Variants in PTPRD observed in about 807,000 individuals in gnomAD.
PTPRD encodes receptor-type tyrosine-protein phosphatase delta.
A neutral mutation model predicts 214.5 loss-of-function variants in PTPRD; 34 were observed. The ratio of observed to expected loss-of-function variants is 0.16; its 90% confidence interval spans 0.12 to 0.21. The LOEUF (loss-of-function observed/expected upper bound fraction) is 0.21. PTPRD is among the 10% of genes least tolerant of loss of function. The probability of loss-of-function intolerance (pLI) is 1.00; values close to 1 mark genes in which losing one functional copy is unlikely to be tolerated. For synonymous variants in PTPRD, 1,128 were observed against 845.7 expected, an observed-to-expected ratio of 1.33 and a Z score of -5.79; for missense variants, 2,545 against 2,398.7, an observed-to-expected ratio of 1.06 and a Z score of -1.27.
At chr9:8,874,105 T>A (rs2098348968) in intron 11 of PTPRD, among the ~76,000 whole-genome samples, 1 of 152,206 alleles carries the variant, frequency 6.6e-6, no homozygotes, top group African/African-American at 2.4e-5. Flanking sequence ...TGGGCATTTC[T>A]ACATTGTCCC....
At chr9:10,492,076 G>C (rs62537981) in intron 2 of PTPRD, among the ~76,000 whole-genome samples, 1 of 152,060 alleles carries the variant, frequency 6.6e-6, no homozygotes, top group African/African-American at 2.4e-5. Flanking sequence ...GTATTCCATC[G>C]TGTACATGTG....
intron 36 of PTPRD, among the ~76,000 whole-genome samples, chr9:8,401,093 G>C (rs898394366): frequency 6.6e-6 from 1 of 151,934 alleles, no homozygotes; most frequent in Non-Finnish European, 1.5e-5. Context: ...TTCTGTTTAT[G>C]CACATCCAAG....
At chr9:8,828,751 G>A (rs2097222652) in intron 11 of PTPRD, among the ~76,000 whole-genome samples, 1 of 152,090 alleles carries the variant, frequency 6.6e-6, no homozygotes, top group Admixed American at 6.6e-5. Context: ...TTAAGTCCAT[G>A]TTTTTTCTGG....
chr9:8,809,764 T>G (rs892972448), intron 11 of PTPRD, among the ~76,000 whole-genome samples: 2 of 152,186 alleles, frequency 1.3e-5, no homozygotes, highest in African/African-American at 4.8e-5. Flanking sequence ...CATTGTATTA[T>G]CAGTTTCAGC....
At chr9:8,937,702 C>G (rs770968972) in intron 11 of PTPRD, among the ~76,000 whole-genome samples, 3 of 152,144 alleles carry the variant, frequency 2.0e-5, no homozygotes, top group African/African-American at 4.8e-5. Context: ...AACTTTGGAG[C>G]CTTCCTCCTC....
At chr9:8,702,438 C>T (rs770524874) in intron 12 of PTPRD, among the ~76,000 whole-genome samples, 13 of 152,008 alleles carry the variant, frequency 8.6e-5, no homozygotes, top group South Asian at 2.1e-4. Flanking sequence ...TTACCTACTA[C>T]GTGAGTTCAT....
intron 11 of PTPRD, among the ~76,000 whole-genome samples, chr9:8,849,031 T>G (rs1381953446): frequency 6.6e-6 from 1 of 152,294 alleles, no homozygotes; most frequent in Admixed American, 6.5e-5. Flanking sequence ...AGCTGTAAAT[T>G]TGAGAAAATT....
intron 31 of PTPRD, among the ~76,000 whole-genome samples, chr9:8,467,485 T>C (rs1288802557): frequency 6.6e-6 from 1 of 151,904 alleles, no homozygotes; most frequent in African/African-American, 2.4e-5. Flanking sequence ...CCTATAAGGA[T>C]GGCTAATATT....
At chr9:9,624,027 A>C (rs2095335518) in intron 7 of PTPRD, among the ~76,000 whole-genome samples, 1 of 152,156 alleles carries the variant, frequency 6.6e-6, no homozygotes, top group Non-Finnish European at 1.5e-5. Flanking sequence ...AGCTCATAAA[A>C]AGCACTAATG....
chr9:8,431,518 A>T (rs1260531791), intron 35 of PTPRD, among the ~76,000 whole-genome samples: 1 of 152,194 alleles, frequency 6.6e-6, no homozygotes, highest in African/African-American at 2.4e-5. Context: ...CGATCTATCT[A>T]GTCTAAATAA....
intron 9 of PTPRD, among the ~76,000 whole-genome samples, chr9:9,266,332 G>A (rs1286897566): frequency 6.6e-6 from 1 of 151,136 alleles, no homozygotes; most frequent in Non-Finnish European, 1.5e-5. Flanking sequence ...ACCCCATTTT[G>A]AGCAATAAAT....
At chr9:10,302,062 CA>C (rs1374677394) in intron 3 of PTPRD, among the ~76,000 whole-genome samples, 1 of 152,190 alleles carries the variant, frequency 6.6e-6, no homozygotes, top group Non-Finnish European at 1.5e-5. Flanking sequence ...ATCAAACTAA[CA>C]GCGGATCTCT....
intron 8 of PTPRD, among the ~76,000 whole-genome samples, chr9:9,401,635 T>A (rs2070558556): frequency 6.6e-6 from 1 of 151,718 alleles, no homozygotes; most frequent in African/African-American, 2.4e-5. Flanking sequence ...TACAAATAAC[T>A]CTTCCTCCAG....
intron 10 of PTPRD, among the ~76,000 whole-genome samples, chr9:9,169,954 A>G (rs2099911367): frequency 6.6e-6 from 1 of 152,218 alleles, no homozygotes; most frequent in African/African-American, 2.4e-5. Context: ...TGGCTCTGCC[A>G]TAAGGGATTA....
rs918371234 is a variant in PTPRD, at chr9:9,417,903, T to C, written c.-236-20421A>G. Among the ~76,000 whole-genome samples the C allele has an allele frequency of 2.8e-4, 42 of 152,046 alleles. 1 individual carries two copies. Among genetic ancestry groups the C allele is most frequent in the Admixed American group, 2.8e-3 (42 of 15,256 alleles). ...TTCATTTCATACTGGAAAAGGCAAATAAATCCTTCATTTCTCTTTTCTGTT... is the reference window on the plus strand; with the variant it reads ...TTCATTTCATACTGGAAAAGGCAAACAAATCCTTCATTTCTCTTTTCTGTT... On this transcript the variant is annotated intron_variant, in intron 8 of 45. Coordinates refer to ENST00000381196, the MANE Select transcript of PTPRD (RefSeq NM_002839.4).
intron 8 of PTPRD, among the ~76,000 whole-genome samples, chr9:9,568,753 A>G (rs961189686): frequency 6.6e-6 from 1 of 151,760 alleles, no homozygotes; most frequent in Admixed American, 6.6e-5. Flanking sequence ...ATGGGTAACT[A>G]AAGTTTTGAT....
chr9:9,001,249 C>T (rs1327936600), intron 11 of PTPRD, among the ~76,000 whole-genome samples: 1 of 152,016 alleles, frequency 6.6e-6, no homozygotes, highest in East Asian at 1.9e-4. Flanking sequence ...CACATGTTTA[C>T]ACTTAAGATC....
chr9:9,774,610 T>C (rs1298774784), intron 5 of PTPRD, among the ~76,000 whole-genome samples: 3 of 152,214 alleles, frequency 2.0e-5, no homozygotes, highest in Non-Finnish European at 4.4e-5. Flanking sequence ...ACATTCTTTC[T>C]ATATATGAGC....
At chr9:9,810,975 C>G (rs896601098) in intron 5 of PTPRD, among the ~76,000 whole-genome samples, 1 of 151,892 alleles carries the variant, frequency 6.6e-6, no homozygotes, top group Non-Finnish European at 1.5e-5. Context: ...CACTCGCTCA[C>G]GTCTGTAATC....
Sources: gnomAD v4.1 joint callset for allele counts (sites outside exome capture counted in the v4.1 genomes callset) on GRCh38, gnomAD v4.1.1 for gene constraint, MANE v1.5 for transcripts, NCBI Gene and HGNC (gene_info 2026-07-23, HGNC 2026-07-21) for gene names.